Variants in MCTP1 observed in about 807,000 individuals in gnomAD.
The protein encoded by MCTP1 is multiple C2 and transmembrane domain containing 1, also known as multiple C2 and transmembrane domain-containing protein 1.
In MCTP1, 69 loss-of-function variants were observed where a neutral mutation model predicts 120.6. The ratio of observed to expected loss-of-function variants is 0.57; its 90% CI spans 0.47 to 0.70. The LOEUF is 0.70. MCTP1 is among the 30% of genes least tolerant of loss of function. The pLI is 0.00. For synonymous variants in MCTP1, 529 were observed against 493.1 expected, an observed-to-expected ratio of 1.07 and a Z score of -0.96; for missense variants, 1,203 against 1,248.8, an observed-to-expected ratio of 0.96 and a Z score of 0.55.
intron 1 of MCTP1, among the ~76,000 whole-genome samples, chr5:95,229,957 T>C (rs1754730842): frequency 6.6e-6 from 1 of 152,114 alleles, no homozygotes; most frequent in Non-Finnish European, 1.5e-5. Context: ...TATTCATTTC[T>C]GTCTACCCCT....
rs371078627 is a variant in MCTP1 at position 94,928,090 on chromosome 5, C to T, written c.1212+3863G>A. Among the ~76,000 whole-genome samples, 16 of 151,978 alleles carry T rather than the reference C, an allele frequency of 1.1e-4. No homozygotes were observed. In the South Asian group the frequency reaches 1.9e-3, roughly 18 times the overall value. On this transcript the variant is annotated intron_variant, in intron 6 of 22. Coordinates refer to ENST00000515393, the MANE Select transcript of MCTP1 (RefSeq NM_024717.7). ...ATTGTCAAAAATATGAATTGCAATG[C>T]GTATGTTTTTATATCATCACGATAA... is the stretch of plus-strand genomic sequence containing the variant.
At chr5:94,817,621 C>G (rs1784750240) in intron 17 of MCTP1, among the ~76,000 whole-genome samples, 1 of 152,196 alleles carries the variant, frequency 6.6e-6, no homozygotes, top group South Asian at 2.1e-4. Flanking sequence ...TGTTACACTT[C>G]AACCTCAATT....
chr5:94,921,233 A>C (rs1313583862), intron 7 of MCTP1, among the ~76,000 whole-genome samples: 1 of 152,250 alleles, frequency 6.6e-6, no homozygotes, highest in Non-Finnish European at 1.5e-5. Context: ...GGTAATTGTC[A>C]TATCCATGGC....
chr5:95,028,940 C>T (rs965907204), intron 1 of MCTP1, among the ~76,000 whole-genome samples: 1 of 152,136 alleles, frequency 6.6e-6, no homozygotes, highest in African/African-American at 2.4e-5. Context: ...GGCGGGCGAT[C>T]GTGAGGTCAG....
intron 2 of MCTP1, among the ~76,000 whole-genome samples, chr5:94,988,762 A>G (rs571081768): frequency 7.9e-5 from 12 of 152,260 alleles, no homozygotes; most frequent in African/African-American, 2.9e-4. Context: ...TTATAAAGAA[A>G]TGAGTTTTAA....
intron 18 of MCTP1, among the ~76,000 whole-genome samples, chr5:94,780,856 G>C (rs935940115): frequency 1.3e-5 from 2 of 152,032 alleles, no homozygotes; most frequent in African/African-American, 2.4e-5. Context: ...ATTTAAACAG[G>C]GTTGATCAGA....
chr5:94,772,029 C>G (rs1160678167), intron 19 of MCTP1, among the ~76,000 whole-genome samples: 1 of 152,110 alleles, frequency 6.6e-6, no homozygotes, highest in East Asian at 1.9e-4. Flanking sequence ...CAGCAGTCCC[C>G]ACCCCCTACC....
At chr5:95,022,397 T>C (rs929748859) in intron 1 of MCTP1, among the ~76,000 whole-genome samples, 7 of 152,190 alleles carry the variant, frequency 4.6e-5, no homozygotes, top group African/African-American at 1.7e-4. Context: ...CCTTCTTGTT[T>C]CCCGTGTCTT....
chr5:94,751,704 T>C (rs1768359123), intron 19 of MCTP1, among the ~76,000 whole-genome samples: 1 of 151,958 alleles, frequency 6.6e-6, no homozygotes, highest in Non-Finnish European at 1.5e-5. Context: ...AGCAGAGCCG[T>C]TGTTGAATGG....
intron 3 of MCTP1, among the ~76,000 whole-genome samples, chr5:94,944,732 A>G (rs1818524829): frequency 6.6e-6 from 1 of 152,204 alleles, no homozygotes; most frequent in Non-Finnish European, 1.5e-5. Flanking sequence ...GCAAAGGCAT[A>G]AACATGGGAA....
At chr5:94,744,390 A>G (rs1766377164) in intron 19 of MCTP1, among the ~76,000 whole-genome samples, 1 of 152,274 alleles carries the variant, frequency 6.6e-6, no homozygotes, top group East Asian at 1.9e-4. Context: ...AGCAAGAAGC[A>G]TGGATAACGG....
chr5:94,887,472 T>A (rs1055943933), intron 12 of MCTP1, among the ~76,000 whole-genome samples: 2 of 152,158 alleles, frequency 1.3e-5, no homozygotes, highest in Non-Finnish European at 2.9e-5. Flanking sequence ...TGGGCAGGTA[T>A]CTAAGCTTTT....
intron 1 of MCTP1, among the ~76,000 whole-genome samples, chr5:95,121,952 A>G (rs942461960): frequency 3.4e-5 from 5 of 148,628 alleles, no homozygotes; most frequent in African/African-American, 1.2e-4. Flanking sequence ...AAAAAAAAAA[A>G]GAAAGAAACT....
At chr5:94,946,030 C>T (rs1818826191) in intron 3 of MCTP1, among the ~76,000 whole-genome samples, 1 of 152,156 alleles carries the variant, frequency 6.6e-6, no homozygotes, top group Non-Finnish European at 1.5e-5. Flanking sequence ...GAAGGAACAG[C>T]TACTGAGGGA....
chr5:95,191,899 G>T (rs1749863873), intron 1 of MCTP1, among the ~76,000 whole-genome samples: 2 of 151,882 alleles, frequency 1.3e-5, no homozygotes. Context: ...GAAGATAGAG[G>T]TCTTCATTCT....
In MCTP1 at chr5:94,779,101, G is replaced by A. The variant is rs980014069; in HGVS notation, c.2610+9C>T. The A allele has an allele frequency of 6.2e-7, 1 of 1,611,754 alleles. No homozygotes were observed. The highest frequency in any genetic ancestry group is 1.7e-5 in the Admixed American group (1 of 59,948). On this transcript the variant is annotated intron_variant, in intron 19 of 22. Coordinates refer to ENST00000515393, the MANE Select transcript of MCTP1 (RefSeq NM_024717.7). ...CCCCAGGTACCCAAGTGCTGGGAAA[G>A]ATAATTACCTTGTCATCTTTGTCAT...
intron 1 of MCTP1, among the ~76,000 whole-genome samples, chr5:95,234,464 C>T (rs1321927778): frequency 6.6e-6 from 1 of 152,128 alleles, no homozygotes; most frequent in Non-Finnish European, 1.5e-5. Flanking sequence ...TATCCTTCCT[C>T]ACCTATATAG....
intron 19 of MCTP1, among the ~76,000 whole-genome samples, chr5:94,728,989 C>A (rs1762627995): frequency 6.6e-6 from 1 of 152,128 alleles, no homozygotes; most frequent in African/African-American, 2.4e-5. Flanking sequence ...AGCAAGATAG[C>A]ACCAAGCAAA....
At chr5:94,785,172 CAAT>C (rs1777416765) in intron 18 of MCTP1, among the ~76,000 whole-genome samples, 1 of 152,084 alleles carries the variant, frequency 6.6e-6, no homozygotes, top group South Asian at 2.1e-4. Flanking sequence ...AAAGGCGAAA[CAAT>C]AACAAATTCT....
Sources: gnomAD v4.1 joint callset for allele counts (sites outside exome capture counted in the v4.1 genomes callset) on GRCh38, gnomAD v4.1.1 for gene constraint, MANE v1.5 for transcripts, NCBI Gene and HGNC (gene_info 2026-07-23, HGNC 2026-07-21) for gene names.